The following CAST variants were observed in gnomAD, a reference collection of about 807,000 sequenced individuals.
The protein encoded by CAST is calpastatin.
A neutral mutation model predicts 119.6 loss-of-function variants in CAST; 76 were observed. The ratio of observed to expected loss-of-function variants is 0.64; its 90% CI spans 0.53 to 0.77. The LOEUF is 0.77. Ranked by LOEUF, CAST falls within the 30% of genes least tolerant of loss-of-function variation. The pLI is 0.00. For synonymous variants in CAST, 319 were observed against 331.6 expected, an observed-to-expected ratio of 0.96 and a Z score of 0.41; for missense variants, 953 against 946.5, an observed-to-expected ratio of 1.01 and a Z score of -0.09.
chr5:96,735,911 A>T (rs989101129), intron 9 of CAST, among the ~76,000 whole-genome samples: 2 of 152,230 alleles, frequency 1.3e-5, no homozygotes, highest in Admixed American at 1.3e-4. Context: ...CTTGGATTCA[A>T]ATCTTCATTC....
At chr5:96,070,413 G>T in the CAST span, among the ~76,000 whole-genome samples, 5 of 152,120 alleles carry the variant, frequency 3.3e-5, no homozygotes, top group African/African-American at 1.2e-4. Context: ...ATTTGGGTAG[G>T]CTATAGTACC....
the CAST span, among the ~76,000 whole-genome samples, chr5:95,996,257 A>G: frequency 6.6e-6 from 1 of 152,174 alleles, no homozygotes; most frequent in Non-Finnish European, 1.5e-5. Context: ...CAGTGGCAGC[A>G]TCTACATTCA....
the CAST span, among the ~76,000 whole-genome samples, chr5:96,269,980 A>G: frequency 1.3e-5 from 2 of 152,236 alleles, no homozygotes; most frequent in African/African-American, 4.8e-5. Flanking sequence ...ATATTGATGC[A>G]AAAATTCTCA....
intron 3 of CAST, among the ~76,000 whole-genome samples, chr5:96,717,288 GATA>G (rs1159379197): frequency 6.6e-6 from 1 of 152,210 alleles, no homozygotes; most frequent in East Asian, 1.9e-4. Context: ...GAGTTGAGAA[GATA>G]ATAAGAGCTA....
intron 1 of CAST, among the ~76,000 whole-genome samples, chr5:96,592,909 C>CGCA (rs995593927): frequency 2.0e-5 from 3 of 152,062 alleles, no homozygotes; most frequent in Non-Finnish European, 4.4e-5. Flanking sequence ...GGACTACAGG[C>CGCA]GCCTGCCACC....
chr5:96,092,530 C>T, the CAST span, among the ~76,000 whole-genome samples: 1 of 152,172 alleles, frequency 6.6e-6, no homozygotes, highest in Non-Finnish European at 1.5e-5. Flanking sequence ...AGCTTCATGA[C>T]ACCCAAATTT....
the CAST span, among the ~76,000 whole-genome samples, chr5:96,109,702 A>G: frequency 6.6e-6 from 1 of 152,126 alleles, no homozygotes; most frequent in Non-Finnish European, 1.5e-5. Flanking sequence ...CTGTGTGGCA[A>G]AGTTGTCTGG....
At chr5:96,616,522 T>C (rs977700333) in intron 1 of CAST, among the ~76,000 whole-genome samples, 2 of 152,096 alleles carry the variant, frequency 1.3e-5, no homozygotes, top group African/African-American at 2.4e-5. Context: ...CTAATTAACT[T>C]GCATGTATCA....
intron 1 of CAST, among the ~76,000 whole-genome samples, chr5:96,654,499 G>C (rs1288714208): frequency 6.6e-6 from 1 of 152,064 alleles, no homozygotes; most frequent in African/African-American, 2.4e-5. Context: ...CAAAAACAAA[G>C]CACTCTCTTT....
the CAST span, among the ~76,000 whole-genome samples, chr5:96,438,325 T>TTTGGTTTAGCAAACTAAAC: frequency 6.6e-6 from 1 of 152,220 alleles, no homozygotes; most frequent in Admixed American, 6.5e-5. Flanking sequence ...GGTGTAACCA[T>TTTGGTTTAGCAAACTAAAC]ATTACTATTA....
At chr5:96,707,686 C>T (rs186589218) in intron 3 of CAST, among the ~76,000 whole-genome samples, 9 of 152,284 alleles carry the variant, frequency 5.9e-5, no homozygotes, top group Non-Finnish European at 4.4e-5. Flanking sequence ...TCATGGCCCA[C>T]GTTTGGAGCC....
Position 96,730,817 on chromosome 5 carries a change from G to C in CAST, c.587G>C (p.Ser196Thr). 6.2e-7 allele frequency: 1 copy of C among 1,614,098 alleles called. No individual in the cohort carries two copies. The highest frequency in any genetic ancestry group is 8.5e-7 in the Non-Finnish European group (1 of 1,179,948). The change falls in exon 9 of 32, where the codon AGT (serine) becomes ACT (threonine). Residue 196 changes from serine (S) to threonine (T), a missense_variant. Physicochemically the swap from Ser to Thr is moderately conservative, Grantham distance 58 (BLOSUM62 1). Transcript: ENST00000675179. ...GACATGATTTCTGCTGGTGGAGAGA[G>C]TGTTGCTGGTATCACTGCAATATCT... ...PQDMISAGGE[S>T]VAGITAISGK...
chr5:96,160,866 A>C, the CAST span, among the ~76,000 whole-genome samples: 1 of 152,206 alleles, frequency 6.6e-6, no homozygotes, highest in African/African-American at 2.4e-5. Flanking sequence ...ATGATTAATG[A>C]TGAGCATTTT....
the CAST span, among the ~76,000 whole-genome samples, chr5:96,135,501 G>C: frequency 6.6e-6 from 1 of 152,140 alleles, no homozygotes; most frequent in African/African-American, 2.4e-5. Flanking sequence ...GGAGAAGTTA[G>C]CACAATCTTA....
At chr5:96,394,085 T>TGTAA in the CAST span, among the ~76,000 whole-genome samples, 1 of 152,230 alleles carries the variant, frequency 6.6e-6, no homozygotes, top group Admixed American at 6.5e-5. Flanking sequence ...ACAGTTCATG[T>TGTAA]GTAAGTTTCT....
In CAST at chr5:96,742,727, G is replaced by C. The variant is rs778342120; in HGVS notation, c.1171G>C (p.Asp391His). The C allele has an allele frequency of 6.2e-7, 1 of 1,613,830 alleles. No homozygotes were observed. Among genetic ancestry groups the C allele is most frequent in the South Asian group, 1.1e-5 (1 of 91,066 alleles). ...CACCCGGCAAGCAGAACCTGAGCTC[G>C]ACCTCCGCTCAATTAAGGAAGTCGA... ...LGTRQAEPEL[D>H]LRSIKEVDEA... is the part of the protein sequence containing the mutation. The change falls in exon 16 of 32, where the codon GAC (aspartate) becomes CAC (histidine). Residue 391 changes from aspartate to histidine, a missense_variant. By Grantham distance (81) the Asp-to-His change is moderately conservative (BLOSUM62 -1). Coordinates refer to ENST00000675179, the MANE Select transcript of CAST (RefSeq NM_001750.7).
At chr5:96,115,295 G>A in the CAST span, among the ~76,000 whole-genome samples, 8 of 152,132 alleles carry the variant, frequency 5.3e-5, no homozygotes, top group Admixed American at 5.2e-4. Flanking sequence ...CTGCTGAACT[G>A]TGAGCTCATC....
chr5:96,026,787 T>A, the CAST span, among the ~76,000 whole-genome samples: 1 of 152,270 alleles, frequency 6.6e-6, no homozygotes, highest in East Asian at 1.9e-4. Context: ...ACATCCATTT[T>A]CTTGCTTCTC....
the CAST span, among the ~76,000 whole-genome samples, chr5:96,461,296 C>T: frequency 1.3e-5 from 2 of 152,172 alleles, no homozygotes; most frequent in East Asian, 1.9e-4. Context: ...CACTTTTTGT[C>T]TATTACAAAT....
Sources: gnomAD v4.1 joint callset for allele counts (sites outside exome capture counted in the v4.1 genomes callset) on GRCh38, gnomAD v4.1.1 for gene constraint, MANE v1.5 for transcripts, NCBI Gene and HGNC (gene_info 2026-07-23, HGNC 2026-07-21) for gene names.